The following SPHKAP variants were observed in gnomAD, a reference collection of about 807,000 sequenced individuals.
SPHKAP encodes the protein A-kinase anchor protein SPHKAP.
Under a neutral mutation model 137.5 loss-of-function variants are expected in SPHKAP, and 67 were observed. That is an observed-to-expected ratio of 0.49 (90% CI 0.40 to 0.60). The LOEUF (loss-of-function observed/expected upper bound fraction) is 0.60. Among genes scored for constraint, SPHKAP ranks in the 20% least tolerant of loss-of-function variants. The pLI, the probability that SPHKAP is intolerant of heterozygous loss-of-function variation, is 0.00. For missense variants in SPHKAP, 2,097 were observed against 2,069.3 expected (o/e 1.01, Z -0.26); for synonymous variants, 813 against 785.3 (o/e 1.04, Z -0.59).
chr2:228,001,455 GAATA>G (rs1693881077), intron 7 of SPHKAP, among the ~76,000 whole-genome samples: 1 of 131,514 alleles, frequency 7.6e-6, no homozygotes, highest in African/African-American at 2.9e-5. Context: ...GTATATATAC[GAATA>G]TATACGTATA....
rs140587853 is a variant in SPHKAP at position 228,061,726 on chromosome 2, A to AAT, written c.247-34185_247-34184dup. ...GTATTTATACTCTGAATATCCAGGA[A>AAT]ATATATATATACACACACACACACA... On this transcript the variant is annotated intron_variant, in intron 3 of 11. Coordinates refer to ENST00000392056, the MANE Select transcript of SPHKAP (RefSeq NM_001142644.2). Among the ~76,000 whole-genome samples, 440 of 151,782 alleles carry AAT rather than the reference A, an allele frequency of 2.9e-3. 6 individuals carry two copies. In the East Asian group the frequency reaches 0.042, roughly 15 times the overall value.
At chr2:228,173,370 T>C (rs962059436) in intron 1 of SPHKAP, among the ~76,000 whole-genome samples, 3 of 152,212 alleles carry the variant, frequency 2.0e-5, no homozygotes, top group African/African-American at 7.2e-5. Context: ...TGTGACATTG[T>C]ATGACAAAGC....
chr2:228,122,905 T>G (rs1303022766), intron 2 of SPHKAP, among the ~76,000 whole-genome samples: 1 of 152,152 alleles, frequency 6.6e-6, no homozygotes, highest in Non-Finnish European at 1.5e-5. Context: ...TGTCTCCCAG[T>G]GCCCCCTTCC....
chr2:227,985,518 G>C (rs1693180662), intron 11 of SPHKAP, among the ~76,000 whole-genome samples: 1 of 152,128 alleles, frequency 6.6e-6, no homozygotes. Flanking sequence ...TTCACAATCA[G>C]CTTTAGCAAG....
chr2:228,027,183 G>T (rs1015049490), intron 4 of SPHKAP, among the ~76,000 whole-genome samples: 1 of 152,140 alleles, frequency 6.6e-6, no homozygotes, highest in African/African-American at 2.4e-5. Context: ...AGGGTTGGCT[G>T]GTATCAGCAG....
intron 1 of SPHKAP, among the ~76,000 whole-genome samples, chr2:228,163,332 G>T (rs1348419422): frequency 6.6e-6 from 1 of 152,132 alleles, no homozygotes; most frequent in Admixed American, 6.6e-5. Context: ...AAACGAGAGA[G>T]AGAGAGAGAT....
chr2:228,144,755 A>G (rs1699717869), intron 1 of SPHKAP, among the ~76,000 whole-genome samples: 1 of 152,218 alleles, frequency 6.6e-6, no homozygotes, highest in African/African-American at 2.4e-5. Context: ...CTTTGAAATC[A>G]AATGAAATTT....
chr2:228,076,648 G>C (rs201070351), intron 3 of SPHKAP, among the ~76,000 whole-genome samples: 1 of 152,160 alleles, frequency 6.6e-6, no homozygotes, highest in East Asian at 1.9e-4. Flanking sequence ...AAATTTCTAA[G>C]CAGCAAAGCA....
intron 1 of SPHKAP, among the ~76,000 whole-genome samples, chr2:228,162,402 C>A (rs562480432): frequency 6.6e-6 from 1 of 152,248 alleles, no homozygotes; most frequent in South Asian, 2.1e-4. Flanking sequence ...TCTAACTGGC[C>A]AAATCAAGTG....
At chr2:228,167,834 T>C (rs1475623068) in intron 1 of SPHKAP, among the ~76,000 whole-genome samples, 1 of 152,158 alleles carries the variant, frequency 6.6e-6, no homozygotes, top group African/African-American at 2.4e-5. Context: ...ATTCTCTTAG[T>C]ATCTTTGGCA....
At chr2:227,991,228 G>T (rs1480059999) in intron 10 of SPHKAP, 44 bp from the exon 11 acceptor site, 1 of 1,614,060 alleles carries the variant, frequency 6.2e-7, no homozygotes, top group African/African-American at 1.3e-5. Context: ...TTTCCAAAGG[G>T]ACAGCCCAGG....
At chr2:227,998,919 G>A (rs1225654454) in intron 7 of SPHKAP, among the ~76,000 whole-genome samples, 1 of 152,016 alleles carries the variant, frequency 6.6e-6, no homozygotes, top group African/African-American at 2.4e-5. Context: ...CTGTTCCCAG[G>A]GAATACAACC....
chr2:228,152,246 A>C (rs561982285), intron 1 of SPHKAP, among the ~76,000 whole-genome samples: 1 of 152,288 alleles, frequency 6.6e-6, no homozygotes, highest in East Asian at 1.9e-4. Flanking sequence ...AAATCTTCAA[A>C]GTTCTTTATA....
intron 3 of SPHKAP, among the ~76,000 whole-genome samples, chr2:228,057,314 G>A (rs543614705): frequency 1.3e-5 from 2 of 152,166 alleles, no homozygotes; most frequent in Admixed American, 1.3e-4. Context: ...TTTTTATTGA[G>A]GATAGTAGGC....
chr2:228,117,776 A>G (rs1698758833), intron 2 of SPHKAP, among the ~76,000 whole-genome samples: 1 of 151,850 alleles, frequency 6.6e-6, no homozygotes, highest in Non-Finnish European at 1.5e-5. Context: ...CTTTTAGTTA[A>G]AGGTATCCTA....
intron 3 of SPHKAP, among the ~76,000 whole-genome samples, chr2:228,097,660 C>T (rs1232789946): frequency 6.6e-6 from 1 of 152,128 alleles, no homozygotes; most frequent in Non-Finnish European, 1.5e-5. Context: ...TGCCTCTTCC[C>T]ACACTCCATC....
At chr2:228,056,621 T>C (rs1037608373) in intron 3 of SPHKAP, among the ~76,000 whole-genome samples, 1 of 151,508 alleles carries the variant, frequency 6.6e-6, no homozygotes, top group African/African-American at 2.4e-5. Context: ...CTCCAGGAAG[T>C]ATGACATAAT....
At chr2:227,993,336 C>A (rs1417782663) in intron 9 of SPHKAP, among the ~76,000 whole-genome samples, 198 bp downstream of exon 9, 1 of 152,108 alleles carries the variant, frequency 6.6e-6, no homozygotes, top group African/African-American at 2.4e-5. Flanking sequence ...TCACAGGGGG[C>A]AGATTTGAAA....
chr2:228,016,416 G>T lies in SPHKAP; in HGVS notation c.4438C>A (p.Gln1480Lys). 6.3e-7 allele frequency: 1 copy of T among 1,591,388 alleles called. No individual in the cohort carries two copies. The highest frequency in any genetic ancestry group is 1.7e-4 in the Middle Eastern group (1 of 5,892). ...AGACGATTCACTCACCTATGGATTTGACAAGCGCTCACGGCTGTGTCTCCA... is the reference window on the plus strand; with the variant it reads ...AGACGATTCACTCACCTATGGATTTTACAAGCGCTCACGGCTGTGTCTCCA... ...RGGDTAVSACQIHSDSLDTRD... is the reference protein window; with the variant it reads ...RGGDTAVSACKIHSDSLDTRD... Residue 1480 changes from glutamine to lysine, a missense_variant, in exon 7 of 12, where the codon CAA becomes AAA. Gln to Lys is a moderately conservative substitution (Grantham distance 53). Coordinates refer to ENST00000392056, the MANE Select transcript of SPHKAP (RefSeq NM_001142644.2).
Sources: allele counts gnomAD v4.1 joint callset (sites outside exome capture counted in the v4.1 genomes callset), GRCh38; gene constraint gnomAD v4.1.1; transcripts MANE v1.5; gene names NCBI Gene and HGNC (gene_info 2026-07-23, HGNC 2026-07-21).